Variants in WWOX observed in about 807,000 individuals in gnomAD.
WWOX encodes the protein WW domain-containing oxidoreductase.
Under a neutral mutation model 46.2 loss-of-function variants are expected in WWOX, and 69 were observed. The ratio of observed to expected loss-of-function variants is 1.49; its 90% CI spans 1.23 to 1.82. WWOX has a LOEUF of 1.82. WWOX is among the 40% of genes most tolerant of loss of function. The probability of loss-of-function intolerance (pLI) is 0.00; values close to 1 mark genes in which losing one functional copy is unlikely to be tolerated. For synonymous variants in WWOX, 359 were observed against 202.6 expected (o/e 1.77, Z -6.56); for missense variants, 919 against 542.6 (o/e 1.69, Z -6.89).
chr16:79,089,666 C>G (rs1055429060), intron 8 of WWOX, among the ~76,000 whole-genome samples: 1 of 152,206 alleles, frequency 6.6e-6, no homozygotes, highest in African/African-American at 2.4e-5. Context: ...ACAGGAATGA[C>G]TTCTTCGAAT....
intron 8 of WWOX, among the ~76,000 whole-genome samples, chr16:78,443,794 C>G (rs1597093534): frequency 6.6e-6 from 1 of 152,006 alleles, no homozygotes; most frequent in African/African-American, 2.4e-5. Context: ...TATTACTTTT[C>G]TTTTTTCTTT....
chr16:78,911,463 T>C (rs1379699560), intron 8 of WWOX, among the ~76,000 whole-genome samples: 2 of 151,956 alleles, frequency 1.3e-5, no homozygotes, highest in Admixed American at 1.3e-4. Flanking sequence ...GAAATGATAA[T>C]GGTGAAAGAT....
At chr16:78,438,222 C>G (rs185733088) in intron 8 of WWOX, among the ~76,000 whole-genome samples, 195 of 152,262 alleles carry the variant, frequency 1.3e-3, no homozygotes, top group African/African-American at 4.4e-3. Context: ...GTTCTACAAT[C>G]TTAGAATTAT....
intron 8 of WWOX, among the ~76,000 whole-genome samples, chr16:78,646,526 C>T (rs1050980797): frequency 6.6e-6 from 1 of 152,120 alleles, no homozygotes; most frequent in Non-Finnish European, 1.5e-5. Context: ...CTCCCGGATT[C>T]AAGCAATTCT....
chr16:79,122,325 C>T (rs2005036), intron 8 of WWOX, among the ~76,000 whole-genome samples: 33,900 of 152,086 alleles, frequency 0.22, 4,127 homozygotes, highest in East Asian at 0.4. Context: ...GTTCAGGCGG[C>T]ATTAACCCCC....
intron 8 of WWOX, among the ~76,000 whole-genome samples, chr16:78,544,578 A>C (rs1253985445): frequency 6.6e-6 from 1 of 152,206 alleles, no homozygotes; most frequent in East Asian, 1.9e-4. Context: ...CAGTGGGTTA[A>C]AATGAGATGA....
rs954511655 is a variant in WWOX, at chr16:78,339,076, G to C, written c.517-47784G>C. The stretch of plus-strand genomic sequence containing the variant: ...AGGAAATTTAGCTTCCTTCTACTTT[G>C]GTGCCCCATGATGATGTGCATCTTT... On this transcript the variant is annotated intron_variant, in intron 5 of 8. Coordinates refer to ENST00000566780, the MANE Select transcript of WWOX (RefSeq NM_016373.4). Among the ~76,000 whole-genome samples, 7 of 119,466 alleles carry C rather than the reference G, an allele frequency of 5.9e-5. No homozygotes were observed. The East Asian group carries it at 1.4e-3, about 23-fold the overall frequency. 78.4% of individuals were successfully genotyped at this position (119,466 alleles called of 152,430 possible). A position where few individuals can be genotyped will look rare whatever the true frequency, so the allele number is the denominator to read the frequency against.
rs1382312540 is a variant in WWOX at position 78,715,219 on chromosome 16, A to G, written c.1056+282467A>G. The stretch of plus-strand genomic sequence containing the variant: ...AAGAGTTCAGTTGCAAGTTAAAGAA[A>G]ACACAAGTAAAGCTAACTGTAACAC... On this transcript the variant is annotated intron_variant, in intron 8 of 8. Transcript: ENST00000566780. Among the ~76,000 whole-genome samples the G allele has an allele frequency of 4.6e-5, 7 of 152,178 alleles. 1 individual carries two copies. Among genetic ancestry groups the G allele is most frequent in the East Asian group, 1.9e-4 (1 of 5,194 alleles).
chr16:79,139,824 T>C (rs1329350157), intron 8 of WWOX, among the ~76,000 whole-genome samples: 2 of 152,222 alleles, frequency 1.3e-5, no homozygotes, highest in Non-Finnish European at 2.9e-5. Flanking sequence ...CGAATGACTT[T>C]AGTGACAGTA....
intron 5 of WWOX, among the ~76,000 whole-genome samples, chr16:78,276,148 T>C (rs2079574119): frequency 6.6e-6 from 1 of 152,084 alleles, no homozygotes; most frequent in Non-Finnish European, 1.5e-5. Flanking sequence ...TCATGAGTGG[T>C]AGTGAGTGGC....
intron 8 of WWOX, among the ~76,000 whole-genome samples, chr16:79,122,896 ACC>A (rs1245996169): frequency 3.6e-4 from 55 of 152,250 alleles, no homozygotes; most frequent in African/African-American, 1.3e-3. Flanking sequence ...TGCAATGGCC[ACC>A]TCAACTTTTA....
At chr16:78,371,117 C>T (rs946733775) in intron 5 of WWOX, among the ~76,000 whole-genome samples, 20 of 151,902 alleles carry the variant, frequency 1.3e-4, no homozygotes, top group South Asian at 4.2e-4. Flanking sequence ...TGATCTTTGA[C>T]ATACCTAGGT....
At chr16:78,295,090 G>A (rs545500411) in intron 5 of WWOX, among the ~76,000 whole-genome samples, 2 of 152,116 alleles carry the variant, frequency 1.3e-5, no homozygotes, top group Non-Finnish European at 2.9e-5. Flanking sequence ...GGAGGATGGT[G>A]GTTAAATCTT....
intron 8 of WWOX, among the ~76,000 whole-genome samples, chr16:78,507,055 A>G (rs2085226290): frequency 6.6e-6 from 1 of 152,118 alleles, no homozygotes; most frequent in South Asian, 2.1e-4. Flanking sequence ...TAAACCCTGG[A>G]GGAGAAGCAA....
intron 8 of WWOX, among the ~76,000 whole-genome samples, chr16:78,687,083 A>G (rs967322513): frequency 1.5e-5 from 2 of 129,744 alleles, no homozygotes; most frequent in Non-Finnish European, 3.5e-5. Context: ...TTTATCATTT[A>G]AAACACATTT....
chr16:78,437,887 C>G (rs939778254), intron 8 of WWOX, among the ~76,000 whole-genome samples: 2 of 152,152 alleles, frequency 1.3e-5, no homozygotes, highest in African/African-American at 4.8e-5. Context: ...ATGTTTTGCA[C>G]CTGCACGCAT....
chr16:78,192,549 A>ATTG (rs905327313), intron 5 of WWOX, among the ~76,000 whole-genome samples: 1 of 151,498 alleles, frequency 6.6e-6, no homozygotes, highest in Admixed American at 6.6e-5. Context: ...ATATCCCTGG[A>ATTG]TTGTTGAGGA....
Position 78,121,438 on chromosome 16 carries a change from T to C in WWOX, c.409+6284T>C, listed in dbSNP as rs537060973. Among the ~76,000 whole-genome samples, 27 of 152,298 alleles carry C rather than the reference T, an allele frequency of 1.8e-4. No individual in the cohort carries two copies. The East Asian group carries it at 4.8e-3, about 27-fold the overall frequency. ...ACCTTATGACTTAACCATTTTACAC[T>C]GAGATATTATTGGACATTGAGTGTA... On this transcript the variant is annotated intron_variant, in intron 4 of 8. Transcript: ENST00000566780.
intron 8 of WWOX, among the ~76,000 whole-genome samples, chr16:78,658,200 C>T (rs1485851901): frequency 6.6e-6 from 1 of 152,158 alleles, no homozygotes; most frequent in Non-Finnish European, 1.5e-5. Flanking sequence ...CAAAATCACC[C>T]CTGGATGAGA....
Sources: allele counts gnomAD v4.1 joint callset (sites outside exome capture counted in the v4.1 genomes callset), GRCh38; gene constraint gnomAD v4.1.1; transcripts MANE v1.5; gene names NCBI Gene and HGNC (gene_info 2026-07-23, HGNC 2026-07-21).